SMARCA5: variants seen among roughly 807,000 people sequenced by gnomAD.
The protein encoded by SMARCA5 is SNF2 related chromatin remodeling ATPase 5.
Under a neutral mutation model 140.4 loss-of-function variants are expected in SMARCA5, and 18 were observed. The ratio of observed to expected loss-of-function variants is 0.13; its 90% CI spans 0.09 to 0.19. SMARCA5 has a LOEUF of 0.19. Among genes scored for constraint, SMARCA5 ranks in the 10% least tolerant of loss-of-function variants. The pLI, the probability that SMARCA5 is intolerant of heterozygous loss-of-function variation, is 1.00. For missense variants in SMARCA5, 606 were observed against 1,276.8 expected, an observed-to-expected ratio of 0.47 and a Z score of 8.01; for synonymous variants, 449 against 419.6, an observed-to-expected ratio of 1.07 and a Z score of -0.86.
chr4:143,553,417 A>G lies in SMARCA5; in HGVS notation c.*233A>G. 1 of 391,914 alleles carries G rather than the reference A, an allele frequency of 2.6e-6. No individual in the cohort carries two copies. Among genetic ancestry groups the G allele is most frequent in the South Asian group, 5.9e-5 (1 of 16,892 alleles). The allele number at this position is 391,914 out of a possible 1,614,324, so 24.3% of individuals were successfully genotyped here. A position where few individuals can be genotyped will look rare whatever the true frequency, so the allele number is the denominator to read the frequency against. On this transcript the variant is annotated 3_prime_UTR_variant, in exon 24 of 24. Transcript: ENST00000283131. ...AATAAAATAGGCTTCATTTATTACT[A>G]AGTGTTTCATTTGATTTATTTTTCT...
intron 14 of SMARCA5, among the ~76,000 whole-genome samples, chr4:143,541,072 A>G (rs1279143871): frequency 1.3e-5 from 2 of 152,196 alleles, no homozygotes; most frequent in Non-Finnish European, 2.9e-5. Flanking sequence ...TGAAGTAAAC[A>G]AGGGTATAAG....
At position 143,513,759 on chromosome 4, in the gene SMARCA5, G is replaced by GGGCCCGGCTCA. The variant is rs1736750957; in HGVS notation, c.-159_-149dup. On this transcript the variant is annotated 5_prime_UTR_variant, in exon 1 of 24. Coordinates refer to ENST00000283131, the MANE Select transcript of SMARCA5 (RefSeq NM_003601.4). ...GAACGTTTGGGAGTGTGCAGCTCCT[G>GGGCCCGGCTCA]GGCCCGGCTCAGGCCCGTCGCGGAG... The GGGCCCGGCTCA allele has an allele frequency of 1.4e-6, 1 of 715,936 alleles. No individual in the cohort carries two copies. The highest frequency in any genetic ancestry group is 1.8e-5 in the African/African-American group (1 of 54,142). The allele number at this position is 715,936 out of a possible 1,614,324, so 44.3% of individuals were successfully genotyped here. A position where few individuals can be genotyped will look rare whatever the true frequency, so the allele number is the denominator to read the frequency against.
chr4:143,526,604 T>TA (rs992505283), intron 6 of SMARCA5, 144 bp downstream of exon 6: 7 of 617,462 alleles, frequency 1.1e-5, no homozygotes, highest in South Asian at 2.1e-5. Context: ...TCTTGGTGGA[T>TA]AAAAAACAGC....
At chr4:143,551,474 T>C (rs1737638285) in intron 23 of SMARCA5, among the ~76,000 whole-genome samples, 1 of 152,146 alleles carries the variant, frequency 6.6e-6, no homozygotes, top group Admixed American at 6.6e-5. Flanking sequence ...AAGAAATCTT[T>C]GCCCAGTCCA....
chr4:143,547,552 T>C (rs1363961739), intron 21 of SMARCA5, 49 bp downstream of exon 21: 1 of 964,942 alleles, frequency 1.0e-6, no homozygotes, highest in Non-Finnish European at 1.7e-6. Flanking sequence ...AACTCCTAGC[T>C]GTGAGTATGA....
chr4:143,515,135 T>TA (rs1578787898), intron 1 of SMARCA5, among the ~76,000 whole-genome samples: 1 of 152,340 alleles, frequency 6.6e-6, no homozygotes, highest in East Asian at 1.9e-4. Flanking sequence ...ATGAAAGTAA[T>TA]ACTGCTCCGA....
chr4:143,550,225 CTT>C (rs70953739), intron 23 of SMARCA5, 121 bp downstream of exon 23: 3,900 of 213,678 alleles, frequency 0.018, no homozygotes, highest in South Asian at 0.029. Flanking sequence ...ATTGCCTTTA[CTT>C]TTTTTTTTTT....
intron 8 of SMARCA5, among the ~76,000 whole-genome samples, chr4:143,529,760 TGAA>T (rs1488201965): frequency 2.6e-5 from 4 of 152,208 alleles, no homozygotes; most frequent in Non-Finnish European, 5.9e-5. Context: ...TTTTTTCTGT[TGAA>T]GATTGTTTTG....
intron 14 of SMARCA5, among the ~76,000 whole-genome samples, chr4:143,541,874 T>C (rs1445323068): frequency 6.6e-6 from 1 of 151,904 alleles, no homozygotes; most frequent in Non-Finnish European, 1.5e-5. Context: ...TTTTTTTTTT[T>C]GAGATGGAGT....
rs1387155354 is a variant in SMARCA5, at chr4:143,513,848, A to C, written c.-77A>C. 17 of 1,466,352 alleles carry C rather than the reference A, an allele frequency of 1.2e-5. No individual in the cohort carries two copies. The highest frequency in any genetic ancestry group is 1.5e-5 in the Non-Finnish European group (17 of 1,097,088). 90.8% of individuals were successfully genotyped at this position (1,466,352 alleles called of 1,614,324 possible). On this transcript the variant is annotated 5_prime_UTR_variant, in exon 1 of 24. Coordinates refer to ENST00000283131, the MANE Select transcript of SMARCA5 (RefSeq NM_003601.4). The stretch of plus-strand genomic sequence containing the variant: ...CTCCACCAGTTTATTGCGACGTAGC[A>C]TCCAGGCCTAGGCCTCCCCGTCCAT...
At chr4:143,539,521 T>A (rs568190043) in intron 13 of SMARCA5, among the ~76,000 whole-genome samples, 1 of 146,512 alleles carries the variant, frequency 6.8e-6, no homozygotes, top group Non-Finnish European at 1.5e-5. Context: ...CTTTAATCTC[T>A]GTCATTAGTC....
chr4:143,538,915 C>CAGAT lies in SMARCA5; in HGVS notation c.1747_1748insAGAT (p.Pro583GlnfsTer14). 6.2e-7 allele frequency: 1 copy of CAGAT among 1,613,884 alleles called. No individual in the cohort carries two copies. The highest frequency in any genetic ancestry group is 8.5e-7 in the Non-Finnish European group (1 of 1,179,882). ...AATTTTGTATGATTCTGATTGGAATCCCCAAGTAGATCTTCAGGCTATGGT... is the reference window on the plus strand; with the variant it reads ...AATTTTGTATGATTCTGATTGGAATCAGATCCCAAGTAGATCTTCAGGCTATGGT... On this transcript the variant is annotated frameshift_variant, in exon 13 of 24. Coordinates refer to ENST00000283131, the MANE Select transcript of SMARCA5 (RefSeq NM_003601.4). LOFTEE classifies it high-confidence loss of function.
intron 22 of SMARCA5, among the ~76,000 whole-genome samples, chr4:143,549,401 G>GT (rs1366822927): frequency 1.3e-5 from 2 of 152,060 alleles, no homozygotes; most frequent in African/African-American, 2.4e-5. Context: ...ATGGACTTCT[G>GT]TTTCTTTCAG....
chr4:143,548,867 T>C (rs146647182), intron 22 of SMARCA5, among the ~76,000 whole-genome samples: 253 of 152,242 alleles, frequency 1.7e-3, no homozygotes, highest in African/African-American at 5.4e-3. Flanking sequence ...AAGTAAAATG[T>C]CACTTTGTAA....
At position 143,556,619 on chromosome 4, in the gene SMARCA5, T is replaced by C. The variant is rs941401300; in HGVS notation, c.*3435T>C. 1 of 152,178 alleles carries C rather than the reference T, an allele frequency of 6.6e-6. No homozygotes were observed. Among genetic ancestry groups the C allele is most frequent in the Non-Finnish European group, 1.5e-5 (1 of 68,036 alleles). The allele number at this position is 152,178 out of a possible 1,614,324, so 9.4% of individuals were successfully genotyped here. On this transcript the variant is annotated 3_prime_UTR_variant, in exon 24 of 24. Transcript: ENST00000283131. ...ACGGAGTAGCTGTTACCAAAATATA[T>C]ACATATTTTGTATATGTACATAGCT...
chr4:143,523,852 T>C lies in SMARCA5; in HGVS notation c.420-515T>C, dbSNP rs186590156. On this transcript the variant is annotated intron_variant, in intron 3 of 23. Coordinates refer to ENST00000283131, the MANE Select transcript of SMARCA5 (RefSeq NM_003601.4). ...AGATTAATTGGCAGTATTAAAACTT[T>C]AGAAAATCAGTTTTTAAGGGGGTAG... Among the ~76,000 whole-genome samples, 11 of 152,342 alleles carry C rather than the reference T, an allele frequency of 7.2e-5. No homozygotes were observed. The East Asian group carries it at 1.3e-3, about 19-fold the overall frequency.
chr4:143,542,515 C>T (rs1380383416), intron 14 of SMARCA5, among the ~76,000 whole-genome samples: 2 of 152,192 alleles, frequency 1.3e-5, no homozygotes, highest in Non-Finnish European at 2.9e-5. Context: ...GATATCTCCT[C>T]ACTTACAAAG....
At chr4:143,543,402 A>G (rs1737468037) in intron 14 of SMARCA5, 107 bp from the exon 15 acceptor site, 3 of 913,010 alleles carry the variant, frequency 3.3e-6, no homozygotes, top group Non-Finnish European at 4.9e-6. Flanking sequence ...GAAATGATTG[A>G]CATTTGAGAT....
intron 11 of SMARCA5, among the ~76,000 whole-genome samples, chr4:143,538,017 A>G (rs1737350253): frequency 6.6e-6 from 1 of 152,172 alleles, no homozygotes; most frequent in African/African-American, 2.4e-5. Flanking sequence ...ATCATTTCAT[A>G]ATCATTACTT....
Sources: allele counts gnomAD v4.1 joint callset (sites outside exome capture counted in the v4.1 genomes callset), GRCh38; gene constraint gnomAD v4.1.1; transcripts MANE v1.5; gene names NCBI Gene and HGNC (gene_info 2026-07-23, HGNC 2026-07-21).